Variants in TRAPPC10 observed in about 807,000 individuals in gnomAD.
The protein encoded by TRAPPC10 is TRAPP 130 kDa subunit.
A neutral mutation model predicts 125.5 loss-of-function variants in TRAPPC10; 23 were observed. The ratio of observed to expected loss-of-function variants is 0.18; its 90% confidence interval spans 0.13 to 0.26. TRAPPC10 has a LOEUF of 0.26. TRAPPC10 is among the 10% of genes least tolerant of loss of function. TRAPPC10 has a pLI of 1.00. For missense variants in TRAPPC10, 1,123 were observed against 1,308.4 expected (o/e 0.86, Z 2.19); for synonymous variants, 509 against 518.0 (o/e 0.98, Z 0.24).
At chr21:44,037,676 T>C in intron 2 of TRAPPC10, 116 bp from the exon 3 acceptor site, 2 of 1,174,584 alleles carry the variant, frequency 1.7e-6, no homozygotes, top group Non-Finnish European at 2.4e-6. Context: ...TGATTTGGGG[T>C]TAATATATGT....
Position 44,052,396 on chromosome 21 carries a change from A to C in TRAPPC10, c.402A>C (p.Lys134Asn). The C allele has an allele frequency of 6.2e-7, 1 of 1,614,116 alleles. No individual in the cohort carries two copies. ...TGATAGTTGAAAATGATGCCAAGAAAAAAAACAAAACCAACATCCTTCCCC... is the reference window on the plus strand; with the variant it reads ...TGATAGTTGAAAATGATGCCAAGAACAAAAACAAAACCAACATCCTTCCCC... ...LIVIVENDAK[K>N]KNKTNILPRT... Residue 134 changes from lysine to asparagine, a missense_variant, in exon 4 of 23, where the codon AAA becomes AAC. By Grantham distance (94) the Lys-to-Asn change is moderately conservative. This residue lies in a region of TRAPPC10 where 177 missense variants were observed against 228.9 expected (regional missense o/e 0.77). Coordinates refer to ENST00000291574, the MANE Select transcript of TRAPPC10 (RefSeq NM_003274.5).
chr21:44,039,357 A>G (rs2034245816), intron 3 of TRAPPC10, among the ~76,000 whole-genome samples: 1 of 152,206 alleles, frequency 6.6e-6, no homozygotes, highest in Non-Finnish European at 1.5e-5. Flanking sequence ...ATCAAGAGTC[A>G]CTTCAGACTG....
chr21:44,077,306 G>A (rs111724408), intron 10 of TRAPPC10, among the ~76,000 whole-genome samples: 148 of 152,264 alleles, frequency 9.7e-4, no homozygotes, highest in African/African-American at 3.1e-3. Context: ...TGTCTTCTGC[G>A]GGCTGGGCAT....
chr21:44,089,656 C>G (rs369945990), intron 17 of TRAPPC10, 177 bp from the exon 18 acceptor site: 3 of 626,664 alleles, frequency 4.8e-6, no homozygotes, highest in Admixed American at 2.2e-5. Context: ...CTTCCTGTTT[C>G]TCGTTGGTTT....
At chr21:44,046,283 TCACCAA>T in intron 3 of TRAPPC10, 1 of 235,570 alleles carries the variant, frequency 4.2e-6, no homozygotes, top group South Asian at 7.4e-5. Context: ...TCCACTGGAA[TCACCAA>T]CACTGGACAG....
chr21:44,068,153 G>T (rs574400490), intron 7 of TRAPPC10, among the ~76,000 whole-genome samples: 5 of 151,734 alleles, frequency 3.3e-5, no homozygotes, highest in Non-Finnish European at 5.9e-5. Context: ...TCACTTATCA[G>T]ATCTTCATTG....
rs748059606 is a variant in TRAPPC10, at chr21:44,037,809, C to T, written c.167C>T (p.Pro56Leu). 12 of 1,613,710 alleles carry T rather than the reference C, an allele frequency of 7.4e-6. No individual in the cohort carries two copies. Among genetic ancestry groups the T allele is most frequent in the South Asian group, 3.3e-5 (3 of 91,046 alleles). ...GTTTACAGGTCCTATGGCCGGGCTC[C>T]GAAGATGATTCACCTAGAGTCTAAC... ...MEWRRSYGRAPKMIHLESNFV... is the reference protein window; with the variant it reads ...MEWRRSYGRALKMIHLESNFV... The change falls in exon 3 of 23, where the codon CCG becomes CTG. Residue 56 changes from proline (P) to leucine (L), a missense_variant. Transcript: ENST00000291574.
intron 4 of TRAPPC10, among the ~76,000 whole-genome samples, chr21:44,052,690 G>T (rs1356756430): frequency 6.6e-6 from 1 of 152,106 alleles, no homozygotes; most frequent in Non-Finnish European, 1.5e-5. Context: ...CCTGGGAGGA[G>T]CGGGTCTTGG....
Position 44,087,956 on chromosome 21 carries a change from C to T in TRAPPC10, c.2769+28C>T. 4 of 1,574,550 alleles carry T rather than the reference C, an allele frequency of 2.5e-6. No homozygotes were observed. The highest frequency in any genetic ancestry group is 3.5e-6 in the Non-Finnish European group (4 of 1,154,604). Reference sequence around the variant, plus strand: ...GAGTAGGGACAGTGGAGGAGCTTAGCTTGTGGGGCGTCCGCCGCCCGCCTG... The same window carrying T: ...GAGTAGGGACAGTGGAGGAGCTTAGTTTGTGGGGCGTCCGCCGCCCGCCTG... On this transcript the variant is annotated intron_variant, in intron 17 of 22. Coordinates refer to ENST00000291574, the MANE Select transcript of TRAPPC10 (RefSeq NM_003274.5). The surrounding 1 kb of genome is among the most constrained non-coding windows in gnomAD (Gnocchi z 4.6).
rs78216207 is a variant in TRAPPC10 at position 44,082,134 on chromosome 21, G to A, written c.1724-654G>A. 3.9e-3 allele frequency among the ~76,000 whole-genome samples: 595 copies of A among 152,262 alleles called. 6 individuals carry two copies. Among genetic ancestry groups the A allele is most frequent in the African/African-American group, 0.014 (570 of 41,550 alleles). On this transcript the variant is annotated intron_variant, in intron 13 of 22. Transcript: ENST00000291574. This position sits in a 1 kb window ranked among gnomAD's most constrained non-coding sequence, Gnocchi z 4.4. ...GGCATCAGTCTTGGCAAGTCCTTTC[G>A]TTGATGAATATTTAATAAATACTTA...
At chr21:44,043,867 C>T (rs1249326737) in intron 3 of TRAPPC10, among the ~76,000 whole-genome samples, 2 of 152,196 alleles carry the variant, frequency 1.3e-5, no homozygotes, top group Admixed American at 6.5e-5. Flanking sequence ...CGTGGGAAGG[C>T]CACTCGCAGG....
intron 3 of TRAPPC10, among the ~76,000 whole-genome samples, chr21:44,050,492 C>T (rs781246507): frequency 2.6e-5 from 4 of 152,074 alleles, no homozygotes; most frequent in African/African-American, 7.2e-5. Context: ...TCACCTGTGA[C>T]GTGTGGATGG....
intron 4 of TRAPPC10, among the ~76,000 whole-genome samples, chr21:44,053,133 GGTCCA>G (rs1481186959): frequency 1.3e-5 from 2 of 152,144 alleles, no homozygotes; most frequent in African/African-American, 2.4e-5. Context: ...ACCCTGCCCT[GGTCCA>G]GCAGGTCATT....
At chr21:44,031,076 G>A (rs2033542182) in intron 1 of TRAPPC10, among the ~76,000 whole-genome samples, 1 of 152,168 alleles carries the variant, frequency 6.6e-6, no homozygotes, top group African/African-American at 2.4e-5. Context: ...GAGGTTACCA[G>A]CGCCTTGCCC....
rs1428259269 is a variant in TRAPPC10 at position 44,012,863 on chromosome 21, C to T, written c.67+303C>T. ...GCGCGCCGGCGTCGAGGGCGAGGAG[C>T]GGGGGCTGCCACCGCCCCGTCCCGC... On this transcript the variant is annotated intron_variant, in intron 1 of 22. Transcript: ENST00000291574. Among the ~76,000 whole-genome samples the T allele has an allele frequency of 7.2e-5, 11 of 151,890 alleles. No homozygotes were observed. The South Asian group carries it at 1.7e-3, about 23-fold the overall frequency.
chr21:44,056,389 G>A (rs904362138), intron 5 of TRAPPC10, among the ~76,000 whole-genome samples: 10 of 152,146 alleles, frequency 6.6e-5, no homozygotes, highest in African/African-American at 2.4e-4. Flanking sequence ...GCAAAGGCCT[G>A]AGAAGAGGTG....
At chr21:44,019,655 A>T (rs1342309677) in intron 1 of TRAPPC10, among the ~76,000 whole-genome samples, 1 of 152,178 alleles carries the variant, frequency 6.6e-6, no homozygotes, top group Non-Finnish European at 1.5e-5. Context: ...ATAATCTGGG[A>T]TAATCACATC....
chr21:44,061,765 T>A (rs550118767), intron 6 of TRAPPC10, among the ~76,000 whole-genome samples: 1 of 152,136 alleles, frequency 6.6e-6, no homozygotes, highest in Non-Finnish European at 1.5e-5. Context: ...ACTTAATCTG[T>A]TTATTTAGGT....
At chr21:44,094,633 A>G (rs759480371) in intron 20 of TRAPPC10, among the ~76,000 whole-genome samples, 13 of 146,766 alleles carry the variant, frequency 8.9e-5, no homozygotes, top group Non-Finnish European at 1.7e-4. Flanking sequence ...CTGAAAACAT[A>G]TGAAAACCTG....
Sources: allele counts gnomAD v4.1 joint callset (sites outside exome capture counted in the v4.1 genomes callset), GRCh38; gene constraint gnomAD v4.1.1; regional missense constraint gnomAD v4.1.1; non-coding constraint Gnocchi (gnomAD v3.1); transcripts MANE v1.5; gene names NCBI Gene and HGNC (gene_info 2026-07-23, HGNC 2026-07-21).